ADAMTS17: variants seen among roughly 807,000 people sequenced by gnomAD.
ADAMTS17 encodes A disintegrin and metalloproteinase with thrombospondin motifs 17.
ADAMTS17 carries 113 observed loss-of-function variants against 141.5 expected under a neutral mutation model. The ratio of observed to expected loss-of-function variants is 0.80; its 90% confidence interval spans 0.69 to 0.93. The LOEUF (loss-of-function observed/expected upper bound fraction) is 0.93. ADAMTS17 is among the 40% of genes least tolerant of loss of function. The pLI, the probability that ADAMTS17 is intolerant of heterozygous loss-of-function variation, is 0.00. For missense variants in ADAMTS17, 1,659 were observed against 1,517.9 expected, an observed-to-expected ratio of 1.09 and a Z score of -1.54; for synonymous variants, 768 against 630.6, an observed-to-expected ratio of 1.22 and a Z score of -3.27.
intron 20 of ADAMTS17, among the ~76,000 whole-genome samples, chr15:99,978,028 T>C (rs1389903356): frequency 6.6e-6 from 1 of 152,178 alleles, no homozygotes; most frequent in Non-Finnish European, 1.5e-5. Context: ...GTGGAGGGTT[T>C]GGGCGCAGCC....
intron 8 of ADAMTS17, among the ~76,000 whole-genome samples, chr15:100,183,127 T>C (rs1183272452): frequency 2.0e-5 from 3 of 152,162 alleles, no homozygotes. Context: ...TAGCTGGGAT[T>C]ACAGGCATGC....
At chr15:100,166,388 C>T (rs1368626572) in intron 8 of ADAMTS17, among the ~76,000 whole-genome samples, 1 of 152,056 alleles carries the variant, frequency 6.6e-6, no homozygotes, top group Non-Finnish European at 1.5e-5. Context: ...TTATTTCTTG[C>T]CTTATGAAAT....
chr15:100,116,827 G>C lies in ADAMTS17; in HGVS notation c.1888+20C>G. 1 of 1,613,996 alleles carries C rather than the reference G, an allele frequency of 6.2e-7. No homozygotes were observed. The highest frequency in any genetic ancestry group is 8.5e-7 in the Non-Finnish European group (1 of 1,180,024). On this transcript the variant is annotated intron_variant, in intron 13 of 21. Coordinates refer to ENST00000268070, the MANE Select transcript of ADAMTS17 (RefSeq NM_139057.4). ...GGAGGACAGGAGGCTGCCATGCAAG[G>C]ACATGCCATATGCCTTTACCGTCAA...
chr15:100,253,423 GGGGGAGGGGAAGGTAGA>G (rs1555494891), intron 7 of ADAMTS17, among the ~76,000 whole-genome samples: 1 of 18,430 alleles, frequency 5.4e-5, no homozygotes, highest in African/African-American at 2.8e-4. Context: ...GGAAGGTAGA[GGGGGAGGGGAAGGTAGA>G]GGGGGAGGGG....
At chr15:100,290,231 G>A (rs1222433150) in intron 3 of ADAMTS17, among the ~76,000 whole-genome samples, 1 of 152,022 alleles carries the variant, frequency 6.6e-6, no homozygotes, top group Non-Finnish European at 1.5e-5. Flanking sequence ...CAAGATGAGT[G>A]CAAATCAATG....
chr15:100,260,718 C>T (rs1006934811), intron 6 of ADAMTS17, among the ~76,000 whole-genome samples: 6 of 152,098 alleles, frequency 3.9e-5, no homozygotes, highest in Non-Finnish European at 8.8e-5. Context: ...TTCTCCCTTC[C>T]ACAACTTTAC....
chr15:100,094,309 G>A (rs1244335851), intron 15 of ADAMTS17, among the ~76,000 whole-genome samples: 1 of 152,268 alleles, frequency 6.6e-6, no homozygotes, highest in African/African-American at 2.4e-5. Flanking sequence ...TTCCATGGGG[G>A]ACTCACTGTC....
intron 6 of ADAMTS17, among the ~76,000 whole-genome samples, chr15:100,255,641 C>CACACACACACACACACACAG (rs1432309161): frequency 1.3e-5 from 2 of 151,850 alleles, no homozygotes; most frequent in Non-Finnish European, 2.9e-5. Flanking sequence ...CACACACACA[C>CACACACACACACACACACAG]AGCTGGCCCA....
intron 7 of ADAMTS17, among the ~76,000 whole-genome samples, chr15:100,243,138 A>AT (rs1009631103): frequency 6.6e-6 from 1 of 152,164 alleles, no homozygotes; most frequent in Non-Finnish European, 1.5e-5. Context: ...GTTCATCCAT[A>AT]TTATAGCATG....
intron 15 of ADAMTS17, among the ~76,000 whole-genome samples, chr15:100,086,154 C>T (rs1307174263): frequency 6.6e-6 from 1 of 152,010 alleles, no homozygotes; most frequent in Non-Finnish European, 1.5e-5. Context: ...GAAGGAAGAC[C>T]TACCAAGCAG....
chr15:100,131,005 G>A (rs1393923758), intron 12 of ADAMTS17, among the ~76,000 whole-genome samples: 1 of 152,172 alleles, frequency 6.6e-6, no homozygotes, highest in African/African-American at 2.4e-5. Context: ...AGAAAATGTG[G>A]CACATATACA....
At chr15:100,306,852 C>G (rs936413540) in intron 3 of ADAMTS17, among the ~76,000 whole-genome samples, 15 of 152,178 alleles carry the variant, frequency 9.9e-5, no homozygotes, top group African/African-American at 3.4e-4. Context: ...AACTGGGCAT[C>G]CTGCAAGAAC....
chr15:99,990,647 A>G (rs1403372499), intron 20 of ADAMTS17, among the ~76,000 whole-genome samples: 2 of 151,274 alleles, frequency 1.3e-5, no homozygotes, highest in African/African-American at 2.4e-5. Context: ...TTTTTACTCA[A>G]AGGGTTTGGG....
chr15:100,096,447 A>G lies in ADAMTS17; in HGVS notation c.2046T>C (p.Ser682=). Residue 682 remains serine (S), a synonymous_variant, in exon 15 of 22, where the codon TCT becomes TCC. Transcript: ENST00000268070. ...CCCCGCATCTGTCCTCTTTGGCTGC[A>G]GACCCGATGATGCCGTCACAGCCGA... The part of the protein sequence containing the change: ...QKIGCDGIIG[S]AAKEDRCGVC... The G allele has an allele frequency of 6.2e-7, 1 of 1,614,168 alleles. No homozygotes were observed. Among genetic ancestry groups the G allele is most frequent in the Non-Finnish European group, 8.5e-7 (1 of 1,180,036 alleles).
At chr15:100,171,623 A>G (rs959077393) in intron 8 of ADAMTS17, among the ~76,000 whole-genome samples, 4 of 152,156 alleles carry the variant, frequency 2.6e-5, no homozygotes, top group Non-Finnish European at 4.4e-5. Flanking sequence ...AGTCCTCGCC[A>G]GCAGACAGCA....
chr15:100,129,235 A>T (rs1451179818), intron 12 of ADAMTS17: 1 of 152,256 alleles, frequency 6.6e-6, no homozygotes, highest in Non-Finnish European at 1.5e-5. Context: ...ACAAACGTGG[A>T]GCACCCATGA....
chr15:100,233,604 G>A (rs2042559881), intron 7 of ADAMTS17, among the ~76,000 whole-genome samples: 1 of 152,178 alleles, frequency 6.6e-6, no homozygotes, highest in South Asian at 2.1e-4. Flanking sequence ...GGGGCGTGAA[G>A]ATGCTGGGTC....
chr15:99,990,183 G>C (rs1169574432), intron 20 of ADAMTS17, among the ~76,000 whole-genome samples: 4 of 152,140 alleles, frequency 2.6e-5, no homozygotes, highest in African/African-American at 9.7e-5. Context: ...CTATGGGCAT[G>C]TGCCACCACG....
intron 3 of ADAMTS17, among the ~76,000 whole-genome samples, chr15:100,324,864 T>G (rs1344965408): frequency 6.6e-6 from 1 of 152,084 alleles, no homozygotes; most frequent in Non-Finnish European, 1.5e-5. Flanking sequence ...CATTTAATAC[T>G]CACAAAAGCC....
Sources: allele counts gnomAD v4.1 joint callset (sites outside exome capture counted in the v4.1 genomes callset), GRCh38; gene constraint gnomAD v4.1.1; transcripts MANE v1.5; gene names NCBI Gene and HGNC (gene_info 2026-07-23, HGNC 2026-07-21).